The following ABTB3 variants were observed in gnomAD, a reference collection of about 807,000 sequenced individuals.
ABTB3 encodes ankyrin repeat- and BTB/POZ domain-containing protein 3.
At chr12:107,651,437 T>C in the ABTB3 span, among the ~76,000 whole-genome samples, 1 of 152,174 alleles carries the variant, frequency 6.6e-6, no homozygotes, top group African/African-American at 2.4e-5. Flanking sequence ...GTGATGGGTA[T>C]GAATTGAGTT....
chr12:107,564,732 T>A, the ABTB3 span, among the ~76,000 whole-genome samples: 1 of 152,244 alleles, frequency 6.6e-6, no homozygotes, highest in Non-Finnish European at 1.5e-5. Context: ...CAAGCATGGT[T>A]ACTGTATTCC....
the ABTB3 span, among the ~76,000 whole-genome samples, chr12:107,609,144 T>G: frequency 6.6e-6 from 1 of 152,192 alleles, no homozygotes; most frequent in Non-Finnish European, 1.5e-5. Flanking sequence ...CCCTCAATCC[T>G]TGCATTTGCC....
the ABTB3 span, among the ~76,000 whole-genome samples, chr12:107,583,007 G>C: frequency 2.0e-5 from 3 of 152,208 alleles, no homozygotes; most frequent in East Asian, 3.9e-4. Context: ...AAAGTTAGGA[G>C]CCTGGGCTCC....
chr12:107,398,595 C>G, the ABTB3 span, among the ~76,000 whole-genome samples: 3 of 152,106 alleles, frequency 2.0e-5, no homozygotes, highest in Non-Finnish European at 4.4e-5. Flanking sequence ...CATTGTGGCT[C>G]TTGAATTCCA....
chr12:107,319,268 C>G, the ABTB3 span: 1 of 1,550,144 alleles, frequency 6.5e-7, no homozygotes, highest in Non-Finnish European at 8.7e-7. Flanking sequence ...GCTGCTGCTG[C>G]GTTCGCGGGA....
the ABTB3 span, among the ~76,000 whole-genome samples, chr12:107,601,653 A>G: frequency 4.6e-5 from 7 of 152,330 alleles, no homozygotes; most frequent in East Asian, 1.4e-3. Flanking sequence ...GCTGGGTTCA[A>G]ATCCTGACTC....
At chr12:107,626,989 AAAAATT>A in the ABTB3 span, among the ~76,000 whole-genome samples, 22 of 152,000 alleles carry the variant, frequency 1.4e-4, no homozygotes, top group African/African-American at 4.8e-4. Context: ...CTCTAAAAAT[AAAAATT>A]AAAATTAAAA....
chr12:107,529,311 A>T, the ABTB3 span, among the ~76,000 whole-genome samples: 1 of 149,392 alleles, frequency 6.7e-6, no homozygotes, highest in Non-Finnish European at 1.5e-5. Context: ...GATGATGATG[A>T]TGGAGATGAT....
chr12:107,482,249 A>G, the ABTB3 span, among the ~76,000 whole-genome samples: 2 of 152,126 alleles, frequency 1.3e-5, no homozygotes, highest in Non-Finnish European at 2.9e-5. Context: ...CAGCTCTGAC[A>G]CAAGCTGCCT....
chr12:107,515,570 G>C, the ABTB3 span, among the ~76,000 whole-genome samples: 1 of 152,184 alleles, frequency 6.6e-6, no homozygotes, highest in Non-Finnish European at 1.5e-5. Flanking sequence ...ATGAGGAATT[G>C]GCCCAAGATT....
At chr12:107,555,112 C>T in the ABTB3 span, among the ~76,000 whole-genome samples, 1 of 152,140 alleles carries the variant, frequency 6.6e-6, no homozygotes, top group African/African-American at 2.4e-5. Flanking sequence ...GTGATAGCTT[C>T]GAGCATCCCA....
the ABTB3 span, chr12:107,520,468 G>A: frequency 1.9e-6 from 3 of 1,609,988 alleles, no homozygotes; most frequent in South Asian, 1.1e-5. Context: ...TTCATTCTCT[G>A]TCTCCCTTCT....
chr12:107,654,212 T>A, the ABTB3 span, among the ~76,000 whole-genome samples: 3 of 152,248 alleles, frequency 2.0e-5, no homozygotes, highest in African/African-American at 2.4e-5. Flanking sequence ...TTGCTTCCAC[T>A]TTTTGGTTAT....
chr12:107,536,049 G>T, the ABTB3 span, among the ~76,000 whole-genome samples: 1 of 151,990 alleles, frequency 6.6e-6, no homozygotes, highest in African/African-American at 2.4e-5. Flanking sequence ...CAGACACATA[G>T]ACCAATGGAA....
the ABTB3 span, among the ~76,000 whole-genome samples, chr12:107,445,906 C>CCCTCTCT: frequency 7.7e-6 from 1 of 129,620 alleles, no homozygotes; most frequent in South Asian, 2.5e-4. Context: ...CTCCCCTCTC[C>CCCTCTCT]CTGTCTTCCC....
the ABTB3 span, among the ~76,000 whole-genome samples, chr12:107,386,476 C>G: frequency 6.6e-6 from 1 of 152,170 alleles, no homozygotes; most frequent in Non-Finnish European, 1.5e-5. Context: ...AATGAGATTA[C>G]GTAGATAAAA....
chr12:107,487,168 A>T, the ABTB3 span, among the ~76,000 whole-genome samples: 1 of 152,118 alleles, frequency 6.6e-6, no homozygotes, highest in South Asian at 2.1e-4. Context: ...ACACACAGAG[A>T]AGGGGTCACC....
At chr12:107,653,526 AAAAG>A in the ABTB3 span, among the ~76,000 whole-genome samples, 24 of 150,718 alleles carry the variant, frequency 1.6e-4, no homozygotes, top group African/African-American at 2.0e-4. Flanking sequence ...CAAAAAAAAA[AAAAG>A]AAAGAAAGAA....
the ABTB3 span, among the ~76,000 whole-genome samples, chr12:107,502,325 C>T: frequency 6.1e-3 from 925 of 152,096 alleles, 8 homozygotes; most frequent in African/African-American, 0.021. Flanking sequence ...CTACCTCAGC[C>T]TCCCAACATG....
Sources: allele counts gnomAD v4.1 joint callset (sites outside exome capture counted in the v4.1 genomes callset), GRCh38; gene constraint gnomAD v4.1.1; transcripts MANE v1.5; gene names NCBI Gene and HGNC (gene_info 2026-07-23, HGNC 2026-07-21).